Variants in CEP112 observed in about 807,000 individuals in gnomAD.
The protein encoded by CEP112 is centrosomal protein 112.
In CEP112, 127 loss-of-function variants were observed where a neutral mutation model predicts 153.0. The ratio of observed to expected loss-of-function variants is 0.83; its 90% CI spans 0.72 to 0.96. The LOEUF is 0.96. Ranked by LOEUF, CEP112 falls within the 40% of genes least tolerant of loss-of-function variation. The pLI is 0.00. For missense variants in CEP112, 1,089 were observed against 1,101.2 expected (o/e 0.99, Z 0.16); for synonymous variants, 358 against 374.4 (o/e 0.96, Z 0.51).
intron 20 of CEP112, among the ~76,000 whole-genome samples, chr17:65,883,772 A>G (rs1568167116): frequency 6.6e-6 from 1 of 152,228 alleles, no homozygotes; most frequent in South Asian, 2.1e-4. Context: ...CTGTTGAGAA[A>G]AATAAGAGAT....
intron 11 of CEP112, among the ~76,000 whole-genome samples, chr17:66,054,752 C>T (rs2066606772): frequency 6.6e-6 from 1 of 152,066 alleles, no homozygotes; most frequent in Non-Finnish European, 1.5e-5. Context: ...ATATATTTGG[C>T]TTTTTGTTTT....
intron 24 of CEP112, chr17:65,655,474 C>A: frequency 1.2e-6 from 1 of 836,928 alleles, no homozygotes; most frequent in Non-Finnish European, 2.0e-6. Context: ...TTTATGTACT[C>A]TTAGCAGCTC....
chr17:65,722,379 G>T (rs934635276), intron 23 of CEP112, among the ~76,000 whole-genome samples: 82 of 152,266 alleles, frequency 5.4e-4, no homozygotes, highest in African/African-American at 1.8e-3. Flanking sequence ...CTCCCAACTA[G>T]CTGGGATTAC....
intron 17 of CEP112, among the ~76,000 whole-genome samples, chr17:65,964,826 G>A (rs558591751): frequency 5.3e-5 from 8 of 152,146 alleles, no homozygotes; most frequent in Non-Finnish European, 1.0e-4. Context: ...CACTTGGGAA[G>A]ACCATTTTAT....
chr17:65,913,281 A>G (rs2060353378), intron 19 of CEP112, among the ~76,000 whole-genome samples: 1 of 152,210 alleles, frequency 6.6e-6, no homozygotes, highest in Non-Finnish European at 1.5e-5. Flanking sequence ...AGATGTTGGA[A>G]TCTTTCTTTT....
intron 21 of CEP112, among the ~76,000 whole-genome samples, chr17:65,836,659 G>C (rs1160580043): frequency 6.6e-6 from 1 of 152,188 alleles, no homozygotes; most frequent in East Asian, 1.9e-4. Context: ...AAAAGGGAGA[G>C]ACTGACTGCA....
chr17:65,647,415 C>T (rs2045499817), intron 24 of CEP112, among the ~76,000 whole-genome samples: 2 of 151,416 alleles, frequency 1.3e-5, no homozygotes, highest in Non-Finnish European at 2.9e-5. Flanking sequence ...TCAGGTGATC[C>T]ACCCACCTTG....
At chr17:65,773,568 T>A (rs957306424) in intron 21 of CEP112, among the ~76,000 whole-genome samples, 1 of 152,240 alleles carries the variant, frequency 6.6e-6, no homozygotes, top group African/African-American at 2.4e-5. Context: ...AGATGGGTTT[T>A]TTTAAGTAAA....
At chr17:65,806,683 C>A (rs1210591065) in intron 21 of CEP112, among the ~76,000 whole-genome samples, 1 of 152,178 alleles carries the variant, frequency 6.6e-6, no homozygotes, top group African/African-American at 2.4e-5. Context: ...TTCTCTCTCT[C>A]CTGTTCCACC....
intron 23 of CEP112, among the ~76,000 whole-genome samples, chr17:65,704,103 AG>A (rs1352375748): frequency 3.3e-5 from 5 of 152,044 alleles, no homozygotes; most frequent in Non-Finnish European, 7.4e-5. Flanking sequence ...AGAGACGCAC[AG>A]GAAGAGGTTG....
At chr17:65,787,553 T>C (rs372446441) in intron 21 of CEP112, among the ~76,000 whole-genome samples, 24 of 152,308 alleles carry the variant, frequency 1.6e-4, no homozygotes, top group East Asian at 1.5e-3. Flanking sequence ...TTGAGGACAA[T>C]TGACATCTTT....
chr17:65,685,865 A>G (rs1037293840), intron 24 of CEP112, among the ~76,000 whole-genome samples: 2 of 151,598 alleles, frequency 1.3e-5, no homozygotes, highest in Non-Finnish European at 2.9e-5. Flanking sequence ...TAGAGACAGG[A>G]TTTCACCATG....
intron 17 of CEP112, among the ~76,000 whole-genome samples, chr17:65,977,658 T>G (rs1376944617): frequency 6.6e-6 from 1 of 152,160 alleles, no homozygotes; most frequent in Non-Finnish European, 1.5e-5. Context: ...GAGGAATAAG[T>G]GGCTGAGTAC....
intron 16 of CEP112, among the ~76,000 whole-genome samples, chr17:66,017,769 G>A (rs2064832528): frequency 6.6e-6 from 1 of 152,096 alleles, no homozygotes; most frequent in South Asian, 2.1e-4. Context: ...GGGAGGCTGA[G>A]GCGGGCAGAT....
intron 21 of CEP112, among the ~76,000 whole-genome samples, chr17:65,772,074 G>T (rs1208256149): frequency 6.6e-6 from 1 of 152,004 alleles, no homozygotes; most frequent in Non-Finnish European, 1.5e-5. Context: ...GAATGAAAAT[G>T]GAAGCATATA....
In CEP112 at chr17:65,959,018, G is replaced by T. The variant is rs11652237; in HGVS notation, c.1872+2445C>A. 3.0e-4 allele frequency among the ~76,000 whole-genome samples: 46 copies of T among 151,912 alleles called. 1 individual carries two copies. The highest frequency in any genetic ancestry group is 1.1e-3 in the African/African-American group (46 of 41,444). ...GGCCTCCTCTCTCCTAAGAGCTGCA[G>T]ATGTCAGGACAACCAGCTGCAGAGA... On this transcript the variant is annotated intron_variant, in intron 18 of 26. Coordinates refer to ENST00000535342, the MANE Select transcript of CEP112 (RefSeq NM_001199165.4).
At chr17:65,686,412 A>G (rs1397638753) in intron 24 of CEP112, among the ~76,000 whole-genome samples, 1 of 152,132 alleles carries the variant, frequency 6.6e-6, no homozygotes, top group African/African-American at 2.4e-5. Context: ...TAATTTCCCT[A>G]CTCTCAATAT....
rs2060404403 is a variant in CEP112 at position 65,914,557 on chromosome 17, C to A, written c.1981-12223G>T. The stretch of plus-strand genomic sequence containing the variant: ...AAATTGGCTGGTCCACCTGCAAAGA[C>A]CCTGCCTTACCTATGGCTTGAACGC... On this transcript the variant is annotated intron_variant, in intron 19 of 26. Coordinates refer to ENST00000535342, the MANE Select transcript of CEP112 (RefSeq NM_001199165.4). Among the ~76,000 whole-genome samples, 4 of 152,094 alleles carry A rather than the reference C, an allele frequency of 2.6e-5. No homozygotes were observed. In the South Asian group the frequency reaches 6.2e-4, roughly 24 times the overall value.
At chr17:65,798,464 T>C (rs181131333) in intron 21 of CEP112, among the ~76,000 whole-genome samples, 9 of 152,310 alleles carry the variant, frequency 5.9e-5, no homozygotes, top group African/African-American at 1.7e-4. Flanking sequence ...AAAAATTCAA[T>C]GTTGTGAGTA....
Sources: gnomAD v4.1 joint callset for allele counts (sites outside exome capture counted in the v4.1 genomes callset) on GRCh38, gnomAD v4.1.1 for gene constraint, MANE v1.5 for transcripts, NCBI Gene and HGNC (gene_info 2026-07-23, HGNC 2026-07-21) for gene names.